Variants in VGF observed in about 807,000 individuals in gnomAD.
The protein encoded by VGF is neurosecretory protein VGF.
Under a neutral mutation model 41.1 loss-of-function variants are expected in VGF, and 13 were observed. The ratio of observed to expected loss-of-function variants is 0.32; its 90% CI spans 0.21 to 0.50. The LOEUF is 0.50. Among genes scored for constraint, VGF ranks in the 20% least tolerant of loss-of-function variants. VGF has a pLI of 0.98. For missense variants in VGF, 920 were observed against 882.1 expected, an observed-to-expected ratio of 1.04 and a Z score of -0.54; for synonymous variants, 473 against 418.3, an observed-to-expected ratio of 1.13 and a Z score of -1.60.
Position 101,164,787 on chromosome 7 carries a change from C to T in VGF, c.57G>A (p.Gly19=). Residue 19 remains glycine (G), a synonymous_variant, in exon 2 of 2, where the codon GGG becomes GGA. Transcript: ENST00000249330. ...SALFCLLLIN[G]LGAAPPGRPE... ...GGCGACCAGGGGGTGCTGCCCCTAACCCGTTGATCAGCAGAAGGCAGAAGA... is the reference window on the plus strand; with the variant it reads ...GGCGACCAGGGGGTGCTGCCCCTAATCCGTTGATCAGCAGAAGGCAGAAGA... The T allele has an allele frequency of 6.2e-7, 1 of 1,601,192 alleles. No homozygotes were observed. Among genetic ancestry groups the T allele is most frequent in the Non-Finnish European group, 8.5e-7 (1 of 1,170,840 alleles).
In VGF at chr7:101,164,640, C is replaced by T; in HGVS notation, c.204G>A (p.Gln68=). The T allele has an allele frequency of 6.3e-7, 1 of 1,595,036 alleles. No homozygotes were observed. Among genetic ancestry groups the T allele is most frequent in the East Asian group, 2.3e-5 (1 of 43,978 alleles). ...EVRGARNSEP[Q]DEGELFQGVD... is the part of the protein sequence containing the mutation. Reference sequence around the variant, plus strand: ...CGCCCTGGAAAAGCTCTCCCTCGTCCTGCGGCTCGGAATTCCGAGCGCCTC... The same window carrying T: ...CGCCCTGGAAAAGCTCTCCCTCGTCTTGCGGCTCGGAATTCCGAGCGCCTC... Residue 68 remains glutamine (Q), a synonymous_variant, in exon 2 of 2, where the codon CAG becomes CAA. Coordinates refer to ENST00000249330, the MANE Select transcript of VGF (RefSeq NM_003378.4).
rs772856002 is a variant in VGF at position 101,163,514 on chromosome 7, C to T, written c.1330G>A (p.Asp444Asn). ...GTEEGGEEEDDEEMDPQTIDS... is the reference protein window; with the variant it reads ...GTEEGGEEEDNEEMDPQTIDS... ...ATCGTCTGCGGATCCATCTCCTCGT[C>T]GTCCTCCTCCTCCCCGCCCTCCTCT... is the stretch of plus-strand genomic sequence containing the variant. Residue 444 changes from aspartate to asparagine, a missense_variant, in exon 2 of 2, where the codon GAC (aspartate) becomes AAC (asparagine). Asp to Asn is a conservative substitution (Grantham distance 23). Coordinates refer to ENST00000249330, the MANE Select transcript of VGF (RefSeq NM_003378.4). The surrounding 1 kb of genome is among the most constrained non-coding windows in gnomAD (Gnocchi z 5.0). The T allele has an allele frequency of 6.2e-7, 1 of 1,611,260 alleles. No individual in the cohort carries two copies. The highest frequency in any genetic ancestry group is 2.2e-5 in the East Asian group (1 of 44,814).
chr7:101,164,936 C>G, intron 1 of VGF, 73 bp from the exon 2 acceptor site: 1 of 1,433,326 alleles, frequency 7.0e-7, no homozygotes. Context: ...GTTCCCTTCC[C>G]CCACCTTTCA....
chr7:101,164,776 G>T lies in VGF; in HGVS notation c.68C>A (p.Ala23Glu). 6.2e-7 allele frequency: 1 copy of T among 1,608,704 alleles called. No homozygotes were observed. Among genetic ancestry groups the T allele is most frequent in the South Asian group, 1.1e-5 (1 of 90,986 alleles). ...CTGCGCCTCAGGGCGACCAGGGGGTGCTGCCCCTAACCCGTTGATCAGCAG... is the reference window on the plus strand; with the variant it reads ...CTGCGCCTCAGGGCGACCAGGGGGTTCTGCCCCTAACCCGTTGATCAGCAG... ...CLLLINGLGA[A>E]PPGRPEAQPP... Residue 23 changes from alanine to glutamate, a missense_variant, in exon 2 of 2, where the codon GCA becomes GAA. Ala to Glu is a moderately radical substitution (Grantham distance 107). Around this residue, in one of 3 missense-constraint regions of VGF, gnomAD observed 654 missense variants for 638.4 expected, o/e 1.02. Coordinates refer to ENST00000249330, the MANE Select transcript of VGF (RefSeq NM_003378.4).
At position 101,162,871 on chromosome 7, in the gene VGF, CAG is replaced by C. The variant is rs1584209184; in HGVS notation, c.*123_*124del. 1.4e-6 allele frequency: 1 copy of C among 709,542 alleles called. No homozygotes were observed. The highest frequency in any genetic ancestry group is 2.4e-6 in the Non-Finnish European group (1 of 408,862). The allele number at this position is 709,542 out of a possible 1,614,324, so 44.0% of individuals were successfully genotyped here. A position where few individuals can be genotyped will look rare whatever the true frequency, so the allele number is the denominator to read the frequency against. ...GGCAGGTCCCGACGCAGCCCGGGGACAGGGGCAGGGCCAAGGGGCAGGGCCGG... is the reference window on the plus strand; with the variant it reads ...GGCAGGTCCCGACGCAGCCCGGGGACGGGCAGGGCCAAGGGGCAGGGCCGG... On this transcript the variant is annotated 3_prime_UTR_variant, in exon 2 of 2. Coordinates refer to ENST00000249330, the MANE Select transcript of VGF (RefSeq NM_003378.4). This position sits in a 1 kb window ranked among gnomAD's most constrained non-coding sequence, Gnocchi z 4.2.
chr7:101,163,355 C>A lies in VGF; in HGVS notation c.1489G>T (p.Ala497Ser). Residue 497 changes from alanine (A) to serine (S), a missense_variant, in exon 2 of 2, where the codon GCC becomes TCC. Transcript: ENST00000249330. This position sits in a 1 kb window ranked among gnomAD's most constrained non-coding sequence, Gnocchi z 5.0. ...PPEPVPPPRAAPAPTHVRSPQ... is the reference protein window; with the variant it reads ...PPEPVPPPRASPAPTHVRSPQ... The stretch of plus-strand genomic sequence containing the variant: ...GAGCGGACGTGGGTGGGGGCGGGGG[C>A]GGCACGGGGGGGCGGCACGGGCTCG... 2 of 1,074,946 alleles carry A rather than the reference C, an allele frequency of 1.9e-6. No individual in the cohort carries two copies. Among genetic ancestry groups the A allele is most frequent in the Non-Finnish European group, 2.5e-6 (2 of 814,196 alleles). The allele number at this position is 1,074,946 out of a possible 1,614,324, so 66.6% of individuals were successfully genotyped here.
Position 101,164,332 on chromosome 7 carries a change from G to C in VGF, c.512C>G (p.Pro171Arg). ...CTCCTGCTGGCGCTTGGCGCTACTT[G>C]GACTGAAATCTCGCAGTTCCTGGAG... ...SLLQELRDFS[P>R]SSAKRQQETA... Residue 171 changes from proline (P) to arginine (R), a missense_variant, in exon 2 of 2, where the codon CCA becomes CGA. Pro to Arg is a moderately radical substitution (Grantham distance 103). Coordinates refer to ENST00000249330, the MANE Select transcript of VGF (RefSeq NM_003378.4). 6.2e-7 allele frequency: 1 copy of C among 1,611,622 alleles called. No homozygotes were observed. Among genetic ancestry groups the C allele is most frequent in the Non-Finnish European group, 8.5e-7 (1 of 1,179,900 alleles).
chr7:101,162,947 G>T lies in VGF; in HGVS notation c.*49C>A. Reference sequence around the variant, plus strand: ...AGCGGGCAACACGGAGGGGGGCGCCGGCGCGCGCGCGCGGCGGGGGCGCGC... The same window carrying T: ...AGCGGGCAACACGGAGGGGGGCGCCTGCGCGCGCGCGCGGCGGGGGCGCGC... On this transcript the variant is annotated 3_prime_UTR_variant, in exon 2 of 2. Coordinates refer to ENST00000249330, the MANE Select transcript of VGF (RefSeq NM_003378.4). The surrounding 1 kb of genome is among the most constrained non-coding windows in gnomAD (Gnocchi z 4.2). 1 of 938,688 alleles carries T rather than the reference G, an allele frequency of 1.1e-6. No individual in the cohort carries two copies. The highest frequency in any genetic ancestry group is 1.4e-6 in the Non-Finnish European group (1 of 701,724). 58.1% of individuals were successfully genotyped at this position (938,688 alleles called of 1,614,324 possible).
At chr7:101,168,572 G>A (rs531354605), upstream of VGF, among the ~76,000 whole-genome samples, 8 of 152,320 alleles carry the variant, frequency 5.3e-5, no homozygotes, top group East Asian at 1.4e-3. Flanking sequence ...AAAAGGCAGA[G>A]CCCATATGGG....
In VGF at chr7:101,164,893, G is replaced by A. The variant is rs763317293; in HGVS notation, c.-20-30C>T. 4.7e-6 allele frequency: 7 copies of A among 1,502,424 alleles called. No homozygotes were observed. The South Asian group carries it at 8.2e-5, about 18-fold the overall frequency. 93.1% of individuals were successfully genotyped at this position (1,502,424 alleles called of 1,614,324 possible). ...AAAATAGAAGGGACCAAAAAAAGAG[G>A]ATTTCTGTAAGAATTCCCCTCTCTA... On this transcript the variant is annotated intron_variant, in intron 1 of 1. Transcript: ENST00000249330.
Position 101,164,572 on chromosome 7 carries a change from T to C in VGF, c.272A>G (p.Asp91Gly). The C allele has an allele frequency of 1.3e-6, 2 of 1,599,864 alleles. No homozygotes were observed. The highest frequency in any genetic ancestry group is 1.7e-6 in the Non-Finnish European group (2 of 1,177,202). The change falls in exon 2 of 2, where the codon GAC becomes GGC. Residue 91 changes from aspartate (D) to glycine (G), a missense_variant. By Grantham distance (94) the Asp-to-Gly change is moderately conservative. Around this residue, in one of 3 missense-constraint regions of VGF, gnomAD observed 654 missense variants for 638.4 expected, o/e 1.02. Transcript: ENST00000249330. The stretch of plus-strand genomic sequence containing the variant: ...TGGTGCCGGGGGTGAGGCGGGACGG[T>C]CGAGTGCCTGCAGCAGCACCGCGGC... ...ALAAVLLQAL[D>G]RPASPPAPSG...
At chr7:101,167,375 T>C (rs949955132), upstream of VGF, among the ~76,000 whole-genome samples, 1 of 151,364 alleles carries the variant, frequency 6.6e-6, no homozygotes, top group Non-Finnish European at 1.5e-5. The surrounding 1 kb of genome is among the most constrained non-coding windows in gnomAD (Gnocchi z 4.2). Context: ...ACAGTGGAGA[T>C]TCCAAAGAAA....
rs769155133 is a variant in VGF, at chr7:101,164,862, G to C, written c.-19C>G. 2 of 1,534,740 alleles carry C rather than the reference G, an allele frequency of 1.3e-6. No homozygotes were observed. The highest frequency in any genetic ancestry group is 1.8e-6 in the Non-Finnish European group (2 of 1,140,128). ...CTTTCATGACCAAGAGGCTGCCGGA[G>C]ACTGAAAAATAGAAGGGACCAAAAA... is the stretch of plus-strand genomic sequence containing the variant. On this transcript the variant is annotated splice_region_variant and 5_prime_UTR_variant, in exon 2 of 2. Coordinates refer to ENST00000249330, the MANE Select transcript of VGF (RefSeq NM_003378.4).
In VGF at chr7:101,164,915, T is replaced by C; in HGVS notation, c.-20-52A>G. On this transcript the variant is annotated intron_variant, in intron 1 of 1. Transcript: ENST00000249330. ...GAGGATTTCTGTAAGAATTCCCCTC[T>C]CTAGGTCTACGTTCCCTTCCCCCAC... 10 of 1,467,444 alleles carry C rather than the reference T, an allele frequency of 6.8e-6. 1 individual carries two copies. In the South Asian group the frequency reaches 1.2e-4, roughly 17 times the overall value. The allele number at this position is 1,467,444 out of a possible 1,614,324, so 90.9% of individuals were successfully genotyped here.
In VGF at chr7:101,163,130, G is replaced by A. The variant is rs1797140570; in HGVS notation, c.1714C>T (p.Pro572Ser). 6.3e-7 allele frequency: 1 copy of A among 1,585,288 alleles called. No individual in the cohort carries two copies. Among genetic ancestry groups the A allele is most frequent in the South Asian group, 1.1e-5 (1 of 88,132 alleles). The change falls in exon 2 of 2, where the codon CCT becomes TCT. Residue 572 changes from proline (P) to serine (S), a missense_variant. Pro to Ser is a moderately conservative substitution (Grantham distance 74). This residue lies in a region of VGF where 257 missense variants were observed against 217.2 expected (regional missense o/e 1.18). Coordinates refer to ENST00000249330, the MANE Select transcript of VGF (RefSeq NM_003378.4). This position sits in a 1 kb window ranked among gnomAD's most constrained non-coding sequence, Gnocchi z 5.0. ...TCCCGGCCGGGATAGTGGCGCGAAGGCGGCAAGGCGTGGTGGTAGTGGCGG... is the reference window on the plus strand; with the variant it reads ...TCCCGGCCGGGATAGTGGCGCGAAGACGGCAAGGCGTGGTGGTAGTGGCGG... ...RRRHYHHALPPSRHYPGREAQ... is the reference protein window; with the variant it reads ...RRRHYHHALPSSRHYPGREAQ...
chr7:101,168,293 A>G (rs1293122085), upstream of VGF, among the ~76,000 whole-genome samples: 1 of 152,142 alleles, frequency 6.6e-6, no homozygotes, highest in Non-Finnish European at 1.5e-5. Context: ...TGCCTGGGGC[A>G]CAAAAGGCTT....
Position 101,163,389 on chromosome 7 carries a change from GTTC to G in VGF, c.1452_1454del (p.Lys484del), listed in dbSNP as rs746874886. ...GGGGCGGCACGGGCTCGGGAGGGGC[GTTC>G]TTCTTCCGCTTCCGCTTCTCCTCCA... On this transcript the variant is annotated inframe_deletion, in exon 2 of 2. Transcript: ENST00000249330. The surrounding 1 kb of genome is among the most constrained non-coding windows in gnomAD (Gnocchi z 5.0). The G allele has an allele frequency of 9.4e-6, 15 of 1,596,656 alleles. No individual in the cohort carries two copies. In the East Asian group the frequency reaches 1.1e-4, roughly 12 times the overall value.
chr7:101,165,301 G>A, intron 1 of VGF, 73 bp downstream of exon 1: 6 of 986,844 alleles, frequency 6.1e-6, no homozygotes, highest in Non-Finnish European at 7.2e-6. Flanking sequence ...CCCCCATCGA[G>A]AGGAGAGAGA....
chr7:101,162,520 T>G lies in VGF; in HGVS notation c.*476A>C. ...AACCGAGAACAAAGTCCTAATAAAA[T>G]AGTCACTTTTATTTCTTAGCAAAAC... On this transcript the variant is annotated 3_prime_UTR_variant, in exon 2 of 2. Transcript: ENST00000249330. The surrounding 1 kb of genome is among the most constrained non-coding windows in gnomAD (Gnocchi z 4.2). 1 of 239,018 alleles carries G rather than the reference T, an allele frequency of 4.2e-6. No homozygotes were observed. Among genetic ancestry groups the G allele is most frequent in the South Asian group, 3.7e-5 (1 of 27,296 alleles). The allele number at this position is 239,018 out of a possible 1,614,324, so 14.8% of individuals were successfully genotyped here.
Sources: allele counts gnomAD v4.1 joint callset (sites outside exome capture counted in the v4.1 genomes callset), GRCh38; gene constraint gnomAD v4.1.1; regional missense constraint gnomAD v4.1.1; non-coding constraint Gnocchi (gnomAD v3.1); transcripts MANE v1.5; gene names NCBI Gene and HGNC (gene_info 2026-07-23, HGNC 2026-07-21).